MOB3B: variants seen among roughly 807,000 people sequenced by gnomAD.
The protein encoded by MOB3B is MOB kinase activator 3B, also known as MOB kinase activator-like 2B.
In MOB3B, 7 loss-of-function variants were observed where a neutral mutation model predicts 18.7. That is an observed-to-expected ratio of 0.37 (90% CI 0.21 to 0.70). The LOEUF (loss-of-function observed/expected upper bound fraction) is 0.70, where lower values mean the gene tolerates loss of function less well. Ranked by LOEUF, MOB3B falls within the 30% of genes least tolerant of loss-of-function variation. The pLI, the probability that MOB3B is intolerant of heterozygous loss-of-function variation, is 0.52. For synonymous variants in MOB3B, 111 were observed against 99.9 expected, an observed-to-expected ratio of 1.11 and a Z score of -0.66; for missense variants, 253 against 281.3, an observed-to-expected ratio of 0.90 and a Z score of 0.72.
intron 2 of MOB3B, among the ~76,000 whole-genome samples, chr9:27,445,570 A>C (rs570832024): frequency 3.9e-5 from 6 of 152,182 alleles, no homozygotes; most frequent in Non-Finnish European, 7.4e-5. Flanking sequence ...CCCTGGCTGC[A>C]GGCTTTTTCT....
In MOB3B at chr9:27,401,749, G is replaced by A. The variant is rs554211106; in HGVS notation, c.419-42513C>T. 5.9e-5 allele frequency among the ~76,000 whole-genome samples: 9 copies of A among 152,242 alleles called. No individual in the cohort carries two copies. The South Asian group carries it at 1.9e-3, about 32-fold the overall frequency. On this transcript the variant is annotated intron_variant, in intron 2 of 3. Coordinates refer to ENST00000262244, the MANE Select transcript of MOB3B (RefSeq NM_024761.5). ...AATCATTAAAGAACTTCAAAGCAAG[G>A]AAAGCAAAAGAAAAACATACAGGTA...
chr9:27,518,106 C>T (rs1467235423), intron 1 of MOB3B, among the ~76,000 whole-genome samples: 1 of 152,202 alleles, frequency 6.6e-6, no homozygotes, highest in African/African-American at 2.4e-5. Flanking sequence ...TTAAATTTTT[C>T]TATCATAATA....
At chr9:27,400,739 CCA>C (rs1821865778) in intron 2 of MOB3B, among the ~76,000 whole-genome samples, 1 of 152,226 alleles carries the variant, frequency 6.6e-6, no homozygotes. Context: ...AAAGGGATGG[CCA>C]CTGGCCTTTT....
rs12000469 is a variant in MOB3B at position 27,403,396 on chromosome 9, C to T, written c.419-44160G>A. ...TTTAAATTATTTAAGCTTCAGGAACCACAAATATGCACATATAGGGAGAAG... is the reference window on the plus strand; with the variant it reads ...TTTAAATTATTTAAGCTTCAGGAACTACAAATATGCACATATAGGGAGAAG... On this transcript the variant is annotated intron_variant, in intron 2 of 3. Transcript: ENST00000262244. Among the ~76,000 whole-genome samples the T allele has an allele frequency of 5.5e-3, 843 of 151,930 alleles. 3 individuals carry two copies. The highest frequency in any genetic ancestry group is 0.019 in the African/African-American group (801 of 41,428).
At chr9:27,460,719 C>A (rs1587232468) in intron 1 of MOB3B, among the ~76,000 whole-genome samples, 2 of 152,108 alleles carry the variant, frequency 1.3e-5, no homozygotes, top group East Asian at 3.9e-4. Flanking sequence ...GGATCAGCTG[C>A]CAGGATGATT....
intron 2 of MOB3B, among the ~76,000 whole-genome samples, chr9:27,402,829 G>C (rs1804623630): frequency 2.0e-5 from 3 of 152,232 alleles, no homozygotes; most frequent in Admixed American, 2.0e-4. Context: ...ATTTAGGGTT[G>C]TAATGTGTAG....
intron 2 of MOB3B, among the ~76,000 whole-genome samples, chr9:27,407,567 C>G (rs1822001608): frequency 6.6e-6 from 1 of 152,138 alleles, no homozygotes; most frequent in Non-Finnish European, 1.5e-5. Context: ...AGAGTACTGG[C>G]CTTCCTTCCT....
At chr9:27,363,405 A>C (rs1821302181) in intron 2 of MOB3B, among the ~76,000 whole-genome samples, 1 of 151,928 alleles carries the variant, frequency 6.6e-6, no homozygotes. Context: ...AGTAGCTGGG[A>C]CTACAGGCGC....
chr9:27,418,662 T>C (rs983737724), intron 2 of MOB3B, among the ~76,000 whole-genome samples: 2 of 151,978 alleles, frequency 1.3e-5, no homozygotes, highest in African/African-American at 4.8e-5. Flanking sequence ...CTCAGAAAAA[T>C]CAGCATACAA....
chr9:27,339,741 A>T (rs1259371177), intron 3 of MOB3B, among the ~76,000 whole-genome samples: 1 of 152,236 alleles, frequency 6.6e-6, no homozygotes, highest in Non-Finnish European at 1.5e-5. Context: ...ATCCTGAGCC[A>T]TCGTGCTGAA....
chr9:27,401,755 A>C (rs1477636087), intron 2 of MOB3B, among the ~76,000 whole-genome samples: 2 of 152,234 alleles, frequency 1.3e-5, no homozygotes, highest in Non-Finnish European at 2.9e-5. Context: ...CAAGGAAAGC[A>C]AAAGAAAAAC....
At chr9:27,381,508 A>G (rs1387732395) in intron 2 of MOB3B, among the ~76,000 whole-genome samples, 2 of 152,100 alleles carry the variant, frequency 1.3e-5, no homozygotes, top group Admixed American at 6.5e-5. Flanking sequence ...CTAAGTGCCT[A>G]TGGAAACCAA....
chr9:27,477,387 G>A (rs1819570390), intron 1 of MOB3B, among the ~76,000 whole-genome samples: 1 of 152,178 alleles, frequency 6.6e-6, no homozygotes, highest in Admixed American at 6.5e-5. Context: ...TAAAGCACAT[G>A]ACCCAAACCA....
chr9:27,402,497 C>T (rs1821900194), intron 2 of MOB3B, among the ~76,000 whole-genome samples: 2 of 152,102 alleles, frequency 1.3e-5, no homozygotes, highest in Non-Finnish European at 2.9e-5. Flanking sequence ...CAATACAGTC[C>T]TTTATCTCAT....
chr9:27,411,824 C>T (rs1021438219), intron 2 of MOB3B, among the ~76,000 whole-genome samples: 22 of 152,124 alleles, frequency 1.4e-4, no homozygotes, highest in Admixed American at 1.4e-3. Flanking sequence ...CTAATGTAAA[C>T]TATGGACTTT....
intron 1 of MOB3B, among the ~76,000 whole-genome samples, chr9:27,459,855 T>A (rs1339077032): frequency 6.7e-6 from 1 of 149,752 alleles, no homozygotes; most frequent in African/African-American, 2.5e-5. Flanking sequence ...CAGTGGTTAT[T>A]TTCTGTCCTG....
chr9:27,341,159 G>A (rs778558405), intron 3 of MOB3B, among the ~76,000 whole-genome samples: 17 of 152,190 alleles, frequency 1.1e-4, no homozygotes, highest in Non-Finnish European at 1.9e-4. Context: ...AGAGAGTACC[G>A]GAAACTCCAG....
intron 3 of MOB3B, among the ~76,000 whole-genome samples, chr9:27,346,133 G>A (rs1208089243): frequency 6.6e-6 from 1 of 152,132 alleles, no homozygotes; most frequent in African/African-American, 2.4e-5. Context: ...GGGCTTCCTT[G>A]CCCTTCTGCC....
intron 2 of MOB3B, among the ~76,000 whole-genome samples, chr9:27,408,206 A>G (rs1046476318): frequency 2.0e-5 from 3 of 152,168 alleles, no homozygotes; most frequent in Admixed American, 6.5e-5. Flanking sequence ...TTTAAATACA[A>G]TAGAGGTGAC....
Sources: allele counts gnomAD v4.1 joint callset (sites outside exome capture counted in the v4.1 genomes callset), GRCh38; gene constraint gnomAD v4.1.1; transcripts MANE v1.5; gene names NCBI Gene and HGNC (gene_info 2026-07-23, HGNC 2026-07-21).